The following DRC1 variants were observed in gnomAD, a reference collection of about 807,000 sequenced individuals.
The protein encoded by DRC1 is dynein regulatory complex subunit 1, also known as dynein regulatory complex protein 1.
In DRC1, 74 loss-of-function variants were observed where a neutral mutation model predicts 98.7. The observed-to-expected ratio is 0.75, with a 90% confidence interval of 0.62 to 0.91. The LOEUF (loss-of-function observed/expected upper bound fraction) is 0.91, where lower values mean the gene tolerates loss of function less well. Ranked by LOEUF, DRC1 falls within the 40% of genes least tolerant of loss-of-function variation. The pLI is 0.00. For missense variants in DRC1, 875 were observed against 886.0 expected (o/e 0.99, Z 0.16); for synonymous variants, 336 against 334.1 (o/e 1.01, Z -0.06).
rs146412095 is a variant in DRC1, at chr2:26,450,086, G to A, written c.1599+1G>A. 104 of 1,612,062 alleles carry A rather than the reference G, an allele frequency of 6.5e-5. No individual in the cohort carries two copies. Among genetic ancestry groups the A allele is most frequent in the Middle Eastern group, 3.3e-4 (2 of 6,050 alleles). ...GCTGAGGCTGGATGCCATCTTCTCCGTGAGTCCAACGGGGCTGGGAGGACA... is the reference window on the plus strand; with the variant it reads ...GCTGAGGCTGGATGCCATCTTCTCCATGAGTCCAACGGGGCTGGGAGGACA... On this transcript the variant is annotated splice_donor_variant, in intron 12 of 16. Coordinates refer to ENST00000288710, the MANE Select transcript of DRC1 (RefSeq NM_145038.5). LOFTEE classifies it high-confidence loss of function.
chr2:26,411,186 G>A (rs1678596188), intron 1 of DRC1, among the ~76,000 whole-genome samples: 1 of 152,192 alleles, frequency 6.6e-6, no homozygotes, highest in South Asian at 2.1e-4. Flanking sequence ...AGTTGCTTTG[G>A]AGAACATACT....
intron 1 of DRC1, among the ~76,000 whole-genome samples, chr2:26,403,213 C>G (rs1678308547): frequency 6.6e-6 from 1 of 152,218 alleles, no homozygotes; most frequent in East Asian, 1.9e-4. Flanking sequence ...CACACATGCA[C>G]AGCTACTGTC....
At chr2:26,448,256 T>C (rs1663909186) in intron 10 of DRC1, 2 of 424,554 alleles carry the variant, frequency 4.7e-6, no homozygotes, top group Admixed American at 3.1e-5. Flanking sequence ...TCTGTGAATG[T>C]GCAAAGCCAC....
At chr2:26,428,646 A>G (rs1663346610) in intron 4 of DRC1, among the ~76,000 whole-genome samples, 1 of 152,102 alleles carries the variant, frequency 6.6e-6, no homozygotes, top group South Asian at 2.1e-4. Context: ...AAAATACAAA[A>G]AATTAGCCAG....
At chr2:26,425,919 C>G (rs767636194) in intron 4 of DRC1, among the ~76,000 whole-genome samples, 1 of 151,712 alleles carries the variant, frequency 6.6e-6, no homozygotes, top group African/African-American at 2.4e-5. Flanking sequence ...GGTGCAGCCC[C>G]GTTTGTCTAT....
rs779282480 is a variant in DRC1, at chr2:26,402,123, C to T, written c.134C>T (p.Ala45Val). 9 of 1,610,124 alleles carry T rather than the reference C, an allele frequency of 5.6e-6. No homozygotes were observed. The Admixed American group carries it at 1.2e-4, about 21-fold the overall frequency. Reference sequence around the variant, plus strand: ...CAGGCCCGGCGCCTCCGCATCGCTGCGCGCTTAGAAGCCCGGAGGCGGTGA... The same window carrying T: ...CAGGCCCGGCGCCTCCGCATCGCTGTGCGCTTAGAAGCCCGGAGGCGGTGA... ...RIQARRLRIA[A>V]RLEARRREAL... Residue 45 changes from alanine to valine, a missense_variant, in exon 1 of 17, where the codon GCG (alanine) becomes GTG (valine). Physicochemically the swap from Ala to Val is moderately conservative, Grantham distance 64. Transcript: ENST00000288710.
chr2:26,427,532 G>T (rs1412043624), intron 4 of DRC1, among the ~76,000 whole-genome samples: 1 of 151,958 alleles, frequency 6.6e-6, no homozygotes, highest in Non-Finnish European at 1.5e-5. Context: ...GGTAAATGGG[G>T]TATCCATCAC....
intron 2 of DRC1, 145 bp downstream of exon 2, chr2:26,414,576 T>C (rs1678733026): frequency 1.5e-6 from 1 of 667,370 alleles, no homozygotes; most frequent in Non-Finnish European, 2.5e-6. Flanking sequence ...ATTTGAGAGC[T>C]CTCTAGGAGT....
At position 26,429,747 on chromosome 2, in the gene DRC1, G is replaced by A. The variant is rs1167860486; in HGVS notation, c.660G>A (p.Glu220=). ...QVKNVMKTFR[E]ELYNIEKAFE... ...AGAATGTGATGAAAACCTTTCGTGA[G>A]GAGCTCTATAACATTGAGGTAACAG... is the stretch of plus-strand genomic sequence containing the variant. Residue 220 remains glutamate (E), a synonymous_variant, in exon 5 of 17, where the codon GAG becomes GAA. Coordinates refer to ENST00000288710, the MANE Select transcript of DRC1 (RefSeq NM_145038.5). 1 of 1,614,014 alleles carries A rather than the reference G, an allele frequency of 6.2e-7. No homozygotes were observed. The highest frequency in any genetic ancestry group is 1.7e-5 in the Admixed American group (1 of 60,006).
rs374257901 is a variant in DRC1, at chr2:26,444,740, G to T, written c.1188G>T (p.Glu396Asp). The change falls in exon 10 of 17, where the codon GAG becomes GAT. Residue 396 changes from glutamate to aspartate, a missense_variant. Glu to Asp is a conservative substitution (Grantham distance 45). Coordinates refer to ENST00000288710, the MANE Select transcript of DRC1 (RefSeq NM_145038.5). Reference protein sequence around the residue: ...AMRHFALIDDEKFWEIWLMNE... With the variant: ...AMRHFALIDDDKFWEIWLMNE... ...GGCATTTTGCTCTTATTGATGATGA[G>T]AAGTTTTGGGAGATTTGGCTGATGA... 2.5e-6 allele frequency: 4 copies of T among 1,613,986 alleles called. No individual in the cohort carries two copies. Among genetic ancestry groups the T allele is most frequent in the African/African-American group, 1.3e-5 (1 of 74,886 alleles).
chr2:26,445,509 T>G (rs906159563), intron 10 of DRC1, among the ~76,000 whole-genome samples: 10 of 152,326 alleles, frequency 6.6e-5, no homozygotes, highest in African/African-American at 2.4e-4. Context: ...TAAAAAATAT[T>G]ATGAATGCAT....
At chr2:26,403,817 T>G in intron 1 of DRC1, among the ~76,000 whole-genome samples, 1 of 133,554 alleles carries the variant, frequency 7.5e-6, no homozygotes, top group East Asian at 2.2e-4. Flanking sequence ...AAAAAAAAAT[T>G]GGGCCGGGCG....
chr2:26,430,183 C>T (rs1177000272), intron 5 of DRC1, among the ~76,000 whole-genome samples: 1 of 152,138 alleles, frequency 6.6e-6, no homozygotes, highest in Admixed American at 6.5e-5. Flanking sequence ...GAGGCATTTA[C>T]TTGTTTCTTT....
Position 26,444,821 on chromosome 2 carries a change from C to A in DRC1, c.1269C>A (p.Ile423=). The A allele has an allele frequency of 6.2e-7, 1 of 1,614,172 alleles. No homozygotes were observed. Among genetic ancestry groups the A allele is most frequent in the South Asian group, 1.1e-5 (1 of 91,068 alleles). The change falls in exon 10 of 17, where the codon ATC becomes ATA. Residue 423 remains isoleucine (I), a synonymous_variant. Coordinates refer to ENST00000288710, the MANE Select transcript of DRC1 (RefSeq NM_145038.5). The part of the protein sequence containing the change: ...IARAFDVDRI[I]HTHHLGLPWA... ...GAGCCTTTGATGTGGACAGGATCATCCACACCCATCATCTGGGGCTTCCCT... is the reference window on the plus strand; with the variant it reads ...GAGCCTTTGATGTGGACAGGATCATACACACCCATCATCTGGGGCTTCCCT...
In DRC1 at chr2:26,431,925, T is replaced by C; in HGVS notation, c.807T>C (p.Tyr269=). 1 of 1,614,150 alleles carries C rather than the reference T, an allele frequency of 6.2e-7. No individual in the cohort carries two copies. The highest frequency in any genetic ancestry group is 8.5e-7 in the Non-Finnish European group (1 of 1,179,996). Residue 269 remains tyrosine (Y), a synonymous_variant, in exon 7 of 17, where the codon TAT becomes TAC. Transcript: ENST00000288710. Reference sequence around the variant, plus strand: ...ACCGCATGAAGAAAGTAGAGGACTATGAGAAGCAGCTGAACAGGCAGAGGA... The same window carrying C: ...ACCGCATGAAGAAAGTAGAGGACTACGAGAAGCAGCTGAACAGGCAGAGGA... ...LNNRMKKVED[Y]EKQLNRQRIW... is the part of the protein sequence containing the mutation.
chr2:26,402,139 G>C lies in DRC1; in HGVS notation c.150G>C (p.Arg50=). Residue 50 remains arginine, a synonymous_variant, in exon 1 of 17, where the codon CGG becomes CGC. Transcript: ENST00000288710. ...GCATCGCTGCGCGCTTAGAAGCCCG[G>C]AGGCGGTGAGCGCGGGGGCGGGCGG... ...RLRIAARLEA[R]RREALGEYLD... 2.5e-6 allele frequency: 4 copies of C among 1,603,906 alleles called. No homozygotes were observed. Among genetic ancestry groups the C allele is most frequent in the Non-Finnish European group, 3.4e-6 (4 of 1,176,332 alleles).
At chr2:26,434,877 C>A (rs576049949) in intron 7 of DRC1, among the ~76,000 whole-genome samples, 31 of 136,312 alleles carry the variant, frequency 2.3e-4, no homozygotes, top group African/African-American at 6.4e-4. Context: ...GGTGACAGAG[C>A]GAGACTCCGT....
At chr2:26,413,052 G>A (rs1466173295) in intron 1 of DRC1, among the ~76,000 whole-genome samples, 1 of 152,224 alleles carries the variant, frequency 6.6e-6, no homozygotes, top group African/African-American at 2.4e-5. Flanking sequence ...AAAGTGCTGG[G>A]ATTACAAGCG....
intron 2 of DRC1, among the ~76,000 whole-genome samples, chr2:26,417,879 A>G (rs1350102305): frequency 6.6e-6 from 1 of 152,214 alleles, no homozygotes; most frequent in East Asian, 1.9e-4. Flanking sequence ...TAATTCTAAT[A>G]GTTACCTGTG....
Sources: allele counts gnomAD v4.1 joint callset (sites outside exome capture counted in the v4.1 genomes callset), GRCh38; gene constraint gnomAD v4.1.1; transcripts MANE v1.5; gene names NCBI Gene and HGNC (gene_info 2026-07-23, HGNC 2026-07-21).